The following ARAP1 variants were observed in gnomAD, a reference collection of about 807,000 sequenced individuals.
ARAP1 encodes the protein arf-GAP with Rho-GAP domain, ANK repeat and PH domain-containing protein 1.
A neutral mutation model predicts 172.2 loss-of-function variants in ARAP1; 76 were observed. The observed-to-expected ratio is 0.44, with a 90% CI of 0.37 to 0.53. The LOEUF is 0.53. Ranked by LOEUF, ARAP1 falls within the 20% of genes least tolerant of loss-of-function variation. The pLI, the probability that ARAP1 is intolerant of heterozygous loss-of-function variation, is 0.00. For synonymous variants in ARAP1, 804 were observed against 803.3 expected (o/e 1.00, Z -0.01); for missense variants, 1,686 against 1,977.5 (o/e 0.85, Z 2.80).
chr11:72,696,718 G>A, intron 22 of ARAP1, 64 bp from the exon 23 acceptor site: 1 of 1,380,690 alleles, frequency 7.2e-7, no homozygotes, highest in Non-Finnish European at 9.9e-7. Flanking sequence ...ACCCCGCCTG[G>A]GCTGCTGTGC....
intron 14 of ARAP1, chr11:72,703,801 C>T (rs746310440): frequency 1.7e-5 from 5 of 294,548 alleles, no homozygotes; most frequent in Non-Finnish European, 3.2e-5. Context: ...TCAGAGCAGC[C>T]CAGCTGTTTT....
chr11:72,743,380 C>T (rs187293054), intron 1 of ARAP1, among the ~76,000 whole-genome samples: 7 of 152,326 alleles, frequency 4.6e-5, no homozygotes, highest in Non-Finnish European at 5.9e-5. Flanking sequence ...CCCCAACCCC[C>T]ACCTCAAATC....
chr11:72,748,417 G>A lies in ARAP1; in HGVS notation c.-128+3911C>T, dbSNP rs547104689. Among the ~76,000 whole-genome samples, 231 of 152,170 alleles carry A rather than the reference G, an allele frequency of 1.5e-3. 1 individual carries two copies. Among genetic ancestry groups the A allele is most frequent in the Non-Finnish European group, 3.0e-3 (201 of 68,000 alleles). On this transcript the variant is annotated intron_variant, in intron 1 of 34. Transcript: ENST00000393609. ...TGCCTGTAATCCCAGCTACTCGGGA[G>A]GCTGAGGCAGGAGAATCGCTTGAAC... is the stretch of plus-strand genomic sequence containing the variant.
intron 1 of ARAP1, among the ~76,000 whole-genome samples, chr11:72,746,651 G>A (rs564185002): frequency 3.3e-5 from 5 of 152,134 alleles, no homozygotes; most frequent in African/African-American, 1.2e-4. Flanking sequence ...GGAGAGGAGT[G>A]GAACAGCCCC....
intron 1 of ARAP1, among the ~76,000 whole-genome samples, chr11:72,746,504 CG>C (rs2135595505): frequency 6.6e-6 from 1 of 152,322 alleles, no homozygotes; most frequent in South Asian, 2.1e-4. Flanking sequence ...TTTAGGCTCT[CG>C]GAACCTAGAA....
chr11:72,710,118 T>C lies in ARAP1; in HGVS notation c.1417-142A>G. The C allele has an allele frequency of 1.2e-6, 1 of 824,180 alleles. No homozygotes were observed. The highest frequency in any genetic ancestry group is 2.0e-6 in the Non-Finnish European group (1 of 500,496). 51.1% of individuals were successfully genotyped at this position (824,180 alleles called of 1,614,324 possible). On this transcript the variant is annotated intron_variant, in intron 10 of 34. Coordinates refer to ENST00000393609, the MANE Select transcript of ARAP1 (RefSeq NM_001040118.3). This position sits in a 1 kb window ranked among gnomAD's most constrained non-coding sequence, Gnocchi z 4.3. ...GGAGACAGCAGGGGACATGGGAGGCTGGGCAGGGTAAGGGGCTGCAGGTTC... is the reference window on the plus strand; with the variant it reads ...GGAGACAGCAGGGGACATGGGAGGCCGGGCAGGGTAAGGGGCTGCAGGTTC...
chr11:72,715,497 C>T (rs1857231995), intron 3 of ARAP1, among the ~76,000 whole-genome samples: 1 of 152,036 alleles, frequency 6.6e-6, no homozygotes, highest in South Asian at 2.1e-4. Flanking sequence ...GGCCTTTCCT[C>T]CTGCTGTTGC....
intron 3 of ARAP1, among the ~76,000 whole-genome samples, chr11:72,717,055 A>C (rs1857305289): frequency 6.6e-6 from 1 of 152,142 alleles, no homozygotes; most frequent in African/African-American, 2.4e-5. Context: ...TAGCAATAGC[A>C]TGTGGACAAG....
rs887870629 is a variant in ARAP1 at position 72,711,051 on chromosome 11, G to C, written c.1183C>G (p.Arg395Gly). 6.2e-7 allele frequency: 1 copy of C among 1,614,200 alleles called. No homozygotes were observed. Among genetic ancestry groups the C allele is most frequent in the East Asian group, 2.2e-5 (1 of 44,874 alleles). Residue 395 changes from arginine to glycine, a missense_variant, in exon 9 of 35, where the codon CGA becomes GGA. Transcript: ENST00000393609. The stretch of plus-strand genomic sequence containing the variant: ...CTCTCTGCCCGGAAGGCAAAGGTTC[G>C]GTTGTTTGTGATCACTTCAAACTTC... ...DQKFEVITNN[R>G]TFAFRAESDV...
In ARAP1 at chr11:72,694,982, G is replaced by T; in HGVS notation, c.3692C>A (p.Ala1231Glu). Reference sequence around the variant, plus strand: ...TGCACAAGCCCAGCGTCACCCACCTGCCTCCTCCCTCTCGTTGACCTCAAA... The same window carrying T: ...TGCACAAGCCCAGCGTCACCCACCTTCCTCCTCCCTCTCGTTGACCTCAAA... ...TCFEVNEREE[A>E]ERPLHFAEKV... The change falls in exon 27 of 35, where the codon GCA (alanine) becomes GAA (glutamate). Residue 1231 changes from alanine to glutamate, a missense_variant and splice_region_variant. By Grantham distance (107) the Ala-to-Glu change is moderately radical (BLOSUM62 -1). This residue lies in a region of ARAP1 where 379 missense variants were observed against 500.1 expected (regional missense o/e 0.76). Transcript: ENST00000393609. 6.2e-7 allele frequency: 1 copy of T among 1,613,752 alleles called. No individual in the cohort carries two copies. The highest frequency in any genetic ancestry group is 8.5e-7 in the Non-Finnish European group (1 of 1,179,804).
rs1426659352 is a variant in ARAP1, at chr11:72,693,448, C to T, written c.3831G>A (p.Lys1277=). The stretch of plus-strand genomic sequence containing the variant: ...CCTCACGGAACTTCATCATGCCATG[C>T]TTGGTGTCACCGACACGGCTGGCTG... The part of the protein sequence containing the change: ...LYLASRVGDT[K]HGMMKFREDR... Residue 1277 remains lysine, a synonymous_variant, in exon 29 of 35, where the codon AAG becomes AAA. Transcript: ENST00000393609. The surrounding 1 kb of genome is among the most constrained non-coding windows in gnomAD (Gnocchi z 4.6). The T allele has an allele frequency of 6.2e-7, 1 of 1,613,456 alleles. No individual in the cohort carries two copies. Among genetic ancestry groups the T allele is most frequent in the Non-Finnish European group, 8.5e-7 (1 of 1,179,622 alleles).
At chr11:72,721,473 T>C (rs1857507154) in intron 3 of ARAP1, among the ~76,000 whole-genome samples, 1 of 136,772 alleles carries the variant, frequency 7.3e-6, no homozygotes, top group Non-Finnish European at 1.6e-5. Flanking sequence ...AGCAGAGAAG[T>C]AAGGTGATCA....
At position 72,693,215 on chromosome 11, in the gene ARAP1, C is replaced by G; in HGVS notation, c.3954+110G>C. 4 of 1,474,208 alleles carry G rather than the reference C, an allele frequency of 2.7e-6. No homozygotes were observed. In the South Asian group the frequency reaches 5.2e-5, roughly 19 times the overall value. 91.3% of individuals were successfully genotyped at this position (1,474,208 alleles called of 1,614,324 possible). On this transcript the variant is annotated intron_variant, in intron 29 of 34. Transcript: ENST00000393609. The surrounding 1 kb of genome is among the most constrained non-coding windows in gnomAD (Gnocchi z 4.6). ...CAGTTCTCCCCCACTGCTGTGCCAT[C>G]CTGAGAGCCTGTAACGGGAATATTT...
At chr11:72,696,379 CCTGGGGA>C (rs1856193263) in intron 23 of ARAP1, among the ~76,000 whole-genome samples, 163 bp downstream of exon 23, 1 of 152,300 alleles carries the variant, frequency 6.6e-6, no homozygotes, top group African/African-American at 2.4e-5. Context: ...TGGTCTGTGG[CCTGGGGA>C]CTGGGGAACC....
At chr11:72,745,636 A>T (rs2135594724) in intron 1 of ARAP1, among the ~76,000 whole-genome samples, 1 of 152,072 alleles carries the variant, frequency 6.6e-6, no homozygotes, top group African/African-American at 2.4e-5. Context: ...CACTGGAGGG[A>T]TGTGCTGCAG....
At chr11:72,731,259 C>T (rs1857858302) in intron 2 of ARAP1, among the ~76,000 whole-genome samples, 1 of 152,154 alleles carries the variant, frequency 6.6e-6, no homozygotes, top group Admixed American at 6.5e-5. Flanking sequence ...GGATGTTTGT[C>T]CCCTCCAAAT....
At chr11:72,734,843 A>C (rs1048332118) in intron 1 of ARAP1, among the ~76,000 whole-genome samples, 1 of 101,688 alleles carries the variant, frequency 9.8e-6, no homozygotes, top group East Asian at 2.3e-4. Context: ...ACTGAGCACA[A>C]AAAAAAAAAA....
At chr11:72,687,998 T>G (rs893430856) in intron 31 of ARAP1, among the ~76,000 whole-genome samples, 1 of 75,624 alleles carries the variant, frequency 1.3e-5, no homozygotes, top group Non-Finnish European at 3.4e-5. Context: ...TTTGTGTTTT[T>G]TTGTTGTTGT....
rs748858501 is a variant in ARAP1, at chr11:72,712,522, C to A, written c.794G>T (p.Ser265Ile). ...SRVPRAVRVA[S>I]LLSEGEELSG... is the part of the protein sequence containing the mutation. ...CAGTTCCTCTCCCTCGCTCAGCAGA[C>A]TGGCCACGCGCACGGCCCGTGGGAC... The change falls in exon 6 of 35, where the codon AGT becomes ATT. Residue 265 changes from serine to isoleucine, a missense_variant. Physicochemically the swap from Ser to Ile is moderately radical, Grantham distance 142. Around this residue, in one of 5 missense-constraint regions of ARAP1, gnomAD observed 688 missense variants for 856.9 expected, o/e 0.80. Transcript: ENST00000393609. 1 of 1,613,726 alleles carries A rather than the reference C, an allele frequency of 6.2e-7. No homozygotes were observed. The highest frequency in any genetic ancestry group is 8.5e-7 in the Non-Finnish European group (1 of 1,179,908).
Sources: gnomAD v4.1 joint callset for allele counts (sites outside exome capture counted in the v4.1 genomes callset) on GRCh38, gnomAD v4.1.1 for gene constraint, gnomAD v4.1.1 regional missense constraint, Gnocchi (gnomAD v3.1) non-coding constraint, MANE v1.5 for transcripts, NCBI Gene and HGNC (gene_info 2026-07-23, HGNC 2026-07-21) for gene names.